Variants in SLC3A1 observed in about 807,000 individuals in gnomAD.
SLC3A1 encodes solute carrier family 3 member 1, also known as amino acid transporter heavy chain SLC3A1.
A neutral mutation model predicts 60.3 loss-of-function variants in SLC3A1; 78 were observed. The ratio of observed to expected loss-of-function variants is 1.29; its 90% confidence interval spans 1.08 to 1.56. The LOEUF is 1.56. SLC3A1 is among the 40% of genes most tolerant of loss of function. SLC3A1 has a pLI of 0.00. For missense variants in SLC3A1, 1,172 were observed against 858.9 expected (o/e 1.36, Z -4.56); for synonymous variants, 392 against 307.9 (o/e 1.27, Z -2.86).
chr2:44,316,809 T>C (rs1007852570), intron 9 of SLC3A1, among the ~76,000 whole-genome samples: 2 of 152,094 alleles, frequency 1.3e-5, no homozygotes, highest in African/African-American at 4.8e-5. Context: ...AAAACAGAGA[T>C]GGAAAAGCAA....
rs540114053 is a variant in SLC3A1 at position 44,293,391 on chromosome 2, C to A, written c.892-6580C>A. The stretch of plus-strand genomic sequence containing the variant: ...AATTAGCCAGGCATGGTGGTGGGCA[C>A]CTGTAATCCCAACTACTTGGGACGC... On this transcript the variant is annotated intron_variant, in intron 4 of 9. Transcript: ENST00000260649. Among the ~76,000 whole-genome samples the A allele has an allele frequency of 3.3e-5, 5 of 152,190 alleles. No homozygotes were observed. In the South Asian group the frequency reaches 1.0e-3, roughly 32 times the overall value.
intron 6 of SLC3A1, among the ~76,000 whole-genome samples, chr2:44,301,760 C>G (rs1303630156): frequency 7.8e-6 from 1 of 128,338 alleles, no homozygotes; most frequent in Non-Finnish European, 1.7e-5. Flanking sequence ...AAAAAAAGAA[C>G]CAAAAAAACA....
intron 1 of SLC3A1, among the ~76,000 whole-genome samples, chr2:44,278,598 C>T (rs1367519413): frequency 6.6e-6 from 1 of 152,138 alleles, no homozygotes; most frequent in Non-Finnish European, 1.5e-5. Context: ...CAGTCTAATT[C>T]TAGGAAGTCA....
rs147988922 is a variant in SLC3A1, at chr2:44,308,836, C to T, written c.1333-3750C>T. On this transcript the variant is annotated intron_variant, in intron 7 of 9. Transcript: ENST00000260649. ...CAAGCTCCGCCTCCCGGGTTCATGCCATTCTCCTGTATCAGCCTCCCAAAT... is the reference window on the plus strand; with the variant it reads ...CAAGCTCCGCCTCCCGGGTTCATGCTATTCTCCTGTATCAGCCTCCCAAAT... Among the ~76,000 whole-genome samples, 1,175 of 151,952 alleles carry T rather than the reference C, an allele frequency of 7.7e-3. 13 individuals carry two copies. Among genetic ancestry groups the T allele is most frequent in the Middle Eastern group, 0.027 (8 of 292 alleles).
At chr2:44,300,667 G>T (rs1490151709) in intron 5 of SLC3A1, among the ~76,000 whole-genome samples, 1 of 152,128 alleles carries the variant, frequency 6.6e-6, no homozygotes, top group Non-Finnish European at 1.5e-5. Flanking sequence ...ATGTAATAAT[G>T]AGCTCTATAA....
intron 9 of SLC3A1, chr2:44,316,350 AG>A (rs780509283): frequency 1.3e-5 from 2 of 152,358 alleles, no homozygotes; most frequent in Non-Finnish European, 2.9e-5. Context: ...TAGATCTCTC[AG>A]AAGTATAAAA....
intron 1 of SLC3A1, among the ~76,000 whole-genome samples, chr2:44,277,706 A>G (rs1671381190): frequency 6.6e-6 from 1 of 152,174 alleles, no homozygotes; most frequent in Non-Finnish European, 1.5e-5. Context: ...CTAAATCCAG[A>G]GATATGTTTA....
At chr2:44,322,044 A>G, downstream of SLC3A1, 1 of 793,848 alleles carries the variant, frequency 1.3e-6, no homozygotes, top group Non-Finnish European at 1.9e-6. Flanking sequence ...TCATCAACAA[A>G]AAGATGGGAG....
chr2:44,300,012 T>A lies in SLC3A1; in HGVS notation c.933T>A (p.Phe311Leu). The A allele has an allele frequency of 6.2e-7, 1 of 1,614,042 alleles. No individual in the cohort carries two copies. Among genetic ancestry groups the A allele is most frequent in the Non-Finnish European group, 8.5e-7 (1 of 1,179,896 alleles). Residue 311 changes from phenylalanine to leucine, a missense_variant, in exon 5 of 10, where the codon TTT becomes TTA. Coordinates refer to ENST00000260649, the MANE Select transcript of SLC3A1 (RefSeq NM_000341.4). The part of the protein sequence containing the change: ...RFWLTKGVDG[F>L]SLDAVKFLLE... Reference sequence around the variant, plus strand: ...GGCTCACAAAGGGTGTTGATGGTTTTAGTTTGGATGCTGTTAAATTCCTCC... The same window carrying A: ...GGCTCACAAAGGGTGTTGATGGTTTAAGTTTGGATGCTGTTAAATTCCTCC...
rs1413925130 is a variant in SLC3A1, at chr2:44,320,256, C to T, written c.1675C>T (p.His559Tyr). The change falls in exon 10 of 10, where the codon CAT (histidine) becomes TAT (tyrosine). Residue 559 changes from histidine (H) to tyrosine (Y), a missense_variant. Transcript: ENST00000260649. ...LKLYQDLSLLHANELLLNRGW... is the reference protein window; with the variant it reads ...LKLYQDLSLLYANELLLNRGW... ...GTTATATCAAGATTTAAGTCTACTT[C>T]ATGCCAATGAGCTACTCCTCAACAG... 31 of 1,613,964 alleles carry T rather than the reference C, an allele frequency of 1.9e-5. No individual in the cohort carries two copies. Among genetic ancestry groups the T allele is most frequent in the Non-Finnish European group, 2.6e-5 (31 of 1,179,950 alleles).
chr2:44,294,424 G>A (rs1017663232), intron 4 of SLC3A1, among the ~76,000 whole-genome samples: 2 of 150,894 alleles, frequency 1.3e-5, no homozygotes, highest in Non-Finnish European at 2.9e-5. Flanking sequence ...AGAATTGCTT[G>A]AACCCGGGAG....
chr2:44,301,847 T>C (rs1672020155), intron 6 of SLC3A1, among the ~76,000 whole-genome samples: 2 of 151,558 alleles, frequency 1.3e-5, no homozygotes, highest in Admixed American at 6.6e-5. Flanking sequence ...GTGGATCACC[T>C]GACGGTGTTC....
rs140081049 is a variant in SLC3A1 at position 44,309,069 on chromosome 2, A to G, written c.1333-3517A>G. ...TTTTGTTTTAAAATTATTGCAAAAT[A>G]TACATAAAACAATTTTAAACATTCA... On this transcript the variant is annotated intron_variant, in intron 7 of 9. Transcript: ENST00000260649. Among the ~76,000 whole-genome samples, 248 of 152,324 alleles carry G rather than the reference A, an allele frequency of 1.6e-3. 1 individual carries two copies. Among genetic ancestry groups the G allele is most frequent in the African/African-American group, 5.5e-3 (227 of 41,576 alleles).
intron 4 of SLC3A1, among the ~76,000 whole-genome samples, chr2:44,293,522 G>A (rs1412799547): frequency 2.0e-5 from 3 of 150,246 alleles, no homozygotes; most frequent in African/African-American, 7.3e-5. Context: ...GTTTTAGGGG[G>A]GAAAAAAAAA....
chr2:44,315,078 C>G (rs1672395852), intron 9 of SLC3A1: 1 of 151,676 alleles, frequency 6.6e-6, no homozygotes, highest in Non-Finnish European at 1.5e-5. Flanking sequence ...ATTACAGGTG[C>G]CCGCCAGGCG....
At chr2:44,321,694 C>T, downstream of SLC3A1, 1 of 1,572,132 alleles carries the variant, frequency 6.4e-7, no homozygotes, top group Non-Finnish European at 8.6e-7. Context: ...CCTCCCTCCC[C>T]TCCTGGGTCT....
chr2:44,276,348 T>C (rs891590198), intron 1 of SLC3A1, among the ~76,000 whole-genome samples: 9 of 152,190 alleles, frequency 5.9e-5, no homozygotes, highest in African/African-American at 2.2e-4. Flanking sequence ...TTTCCCAGTA[T>C]ACGAAGCAGC....
intron 4 of SLC3A1, among the ~76,000 whole-genome samples, chr2:44,295,322 G>A (rs1333532450): frequency 1.3e-5 from 2 of 152,302 alleles, no homozygotes; most frequent in South Asian, 2.1e-4. Flanking sequence ...AGTCAAGGAC[G>A]TAGTGTATAG....
chr2:44,314,606 A>ACG (rs1672381264), intron 9 of SLC3A1: 1 of 155,976 alleles, frequency 6.4e-6, no homozygotes, highest in Admixed American at 6.2e-5. Context: ...ACACACACAC[A>ACG]CACCATGCCC....
Sources: allele counts gnomAD v4.1 joint callset (sites outside exome capture counted in the v4.1 genomes callset), GRCh38; gene constraint gnomAD v4.1.1; transcripts MANE v1.5; gene names NCBI Gene and HGNC (gene_info 2026-07-23, HGNC 2026-07-21).